Variants in TMEM114 observed in about 807,000 individuals in gnomAD.
TMEM114 encodes transmembrane protein 114.
In TMEM114, 6 loss-of-function variants were observed where a neutral mutation model predicts 6.2. The ratio of observed to expected loss-of-function variants is 0.97; its 90% CI spans 0.53 to 1.91. TMEM114 has a LOEUF of 1.91. TMEM114 is among the 40% of genes most tolerant of loss of function. The probability of loss-of-function intolerance (pLI) is 0.01; values close to 1 mark genes in which losing one functional copy is unlikely to be tolerated. For synonymous variants in TMEM114, 104 were observed against 73.0 expected (o/e 1.42, Z -2.16); for missense variants, 218 against 158.3 (o/e 1.38, Z -2.02).
At chr16:8,583,215 C>T (rs878884195) in intron 2 of TMEM114, among the ~76,000 whole-genome samples, 3 of 152,184 alleles carry the variant, frequency 2.0e-5, no homozygotes, top group African/African-American at 7.2e-5. Flanking sequence ...TGGCCCAGTA[C>T]TGGGGATGAA....
chr16:8,530,790 G>A, the TMEM114 span, among the ~76,000 whole-genome samples: 2,350 of 152,192 alleles, frequency 0.015, 26 homozygotes, highest in Middle Eastern at 0.027. Flanking sequence ...TTGGGAGGCC[G>A]AGTCAGATGA....
At chr16:8,552,007 T>A (rs1405257156) in intron 2 of TMEM114, among the ~76,000 whole-genome samples, 1 of 152,136 alleles carries the variant, frequency 6.6e-6, no homozygotes, top group Non-Finnish European at 1.5e-5. Context: ...TATGGTTCCA[T>A]TTATATAACA....
At chr16:8,550,982 G>A (rs1034909076) in intron 2 of TMEM114, among the ~76,000 whole-genome samples, 1 of 152,206 alleles carries the variant, frequency 6.6e-6, no homozygotes, top group African/African-American at 2.4e-5. Context: ...CTACAAAGAT[G>A]AATGATACAT....
At chr16:8,574,538 C>T (rs62018864) in intron 2 of TMEM114, among the ~76,000 whole-genome samples, 17 of 148,264 alleles carry the variant, frequency 1.1e-4, no homozygotes, top group African/African-American at 3.2e-4. Context: ...GGGATGAGAC[C>T]TGTGGTCTTT....
the TMEM114 span, among the ~76,000 whole-genome samples, chr16:8,527,856 C>T: frequency 6.6e-6 from 1 of 152,128 alleles, no homozygotes; most frequent in African/African-American, 2.4e-5. Context: ...ATTATTTCCC[C>T]CTCCTCATCA....
chr16:8,549,718 G>T (rs749984085), intron 2 of TMEM114, among the ~76,000 whole-genome samples: 1 of 152,130 alleles, frequency 6.6e-6, no homozygotes, highest in Non-Finnish European at 1.5e-5. Flanking sequence ...GTGTGCTCAG[G>T]TGGTGGCTGA....
chr16:8,564,181 GTGAGTGCA>G (rs1489010696), intron 2 of TMEM114, among the ~76,000 whole-genome samples: 21 of 151,400 alleles, frequency 1.4e-4, no homozygotes, highest in East Asian at 1.9e-4. Context: ...AAATGAGTGA[GTGAGTGCA>G]TGAATGAGTG....
At chr16:8,565,117 G>C (rs528066880), downstream of TMEM114, among the ~76,000 whole-genome samples, 1 of 151,832 alleles carries the variant, frequency 6.6e-6, no homozygotes, top group East Asian at 1.9e-4. Context: ...AAGTGAGTGA[G>C]TGAGTGGGTA....
At chr16:8,564,218 TTA>T (rs1901426200) in intron 2 of TMEM114, among the ~76,000 whole-genome samples, 5 of 13,732 alleles carry the variant, frequency 3.6e-4, no homozygotes, top group African/African-American at 1.5e-3. Flanking sequence ...AATGAGTGAG[TTA>T]GTGAATGAGT....
At chr16:8,563,605 G>C (rs556064491) in intron 2 of TMEM114, among the ~76,000 whole-genome samples, 6 of 150,466 alleles carry the variant, frequency 4.0e-5, no homozygotes, top group East Asian at 1.9e-4. Flanking sequence ...GTGTGAATGA[G>C]TAAATGAGTG....
chr16:8,556,783 G>C (rs1184233222), intron 2 of TMEM114, among the ~76,000 whole-genome samples: 1 of 152,204 alleles, frequency 6.6e-6, no homozygotes, highest in African/African-American at 2.4e-5. Flanking sequence ...GATTATAGGC[G>C]TGAGCCACCG....
chr16:8,568,279 C>A (rs760218909), downstream of TMEM114, among the ~76,000 whole-genome samples: 14 of 152,138 alleles, frequency 9.2e-5, no homozygotes, highest in African/African-American at 3.4e-4. Flanking sequence ...AGTCATTGCC[C>A]CCCCAGTTGC....
chr16:8,582,676 G>T (rs961216948), intron 2 of TMEM114, among the ~76,000 whole-genome samples: 1 of 151,980 alleles, frequency 6.6e-6, no homozygotes, highest in African/African-American at 2.4e-5. Context: ...GATCACTTGA[G>T]GTCAAGAGTT....
At chr16:8,582,521 G>A (rs1431306609) in intron 2 of TMEM114, among the ~76,000 whole-genome samples, 2 of 152,224 alleles carry the variant, frequency 1.3e-5, no homozygotes, top group Non-Finnish European at 2.9e-5. Flanking sequence ...GGTCTACCAT[G>A]ACCTCTAATC....
chr16:8,535,815 G>C (rs1014824861), downstream of TMEM114, among the ~76,000 whole-genome samples: 2 of 152,170 alleles, frequency 1.3e-5, no homozygotes, highest in African/African-American at 4.8e-5. Context: ...GGGGTGTGTG[G>C]AACACAAAGG....
At chr16:8,589,188 C>G in intron 2 of TMEM114, 25 bp downstream of exon 2, 1 of 398,672 alleles carries the variant, frequency 2.5e-6, no homozygotes. Flanking sequence ...GGCGCTCCCT[C>G]CATCCTCACC....
chr16:8,553,522 G>A (rs1380833822), intron 2 of TMEM114, among the ~76,000 whole-genome samples: 6 of 151,940 alleles, frequency 3.9e-5, no homozygotes, highest in Admixed American at 3.9e-4. Flanking sequence ...GTCTCGCTGT[G>A]TCACCCAGGC....
chr16:8,570,786 A>G (rs894008388), intron 3 of TMEM114, among the ~76,000 whole-genome samples: 2 of 152,124 alleles, frequency 1.3e-5, no homozygotes. Flanking sequence ...GTCCAGTACG[A>G]TAGCCACTGA....
intron 2 of TMEM114, among the ~76,000 whole-genome samples, chr16:8,577,925 C>A (rs1901998188): frequency 2.6e-5 from 4 of 152,152 alleles, no homozygotes; most frequent in Admixed American, 2.6e-4. Context: ...TGCATTCATT[C>A]AGAAACAAAT....
Sources: gnomAD v4.1 joint callset for allele counts (sites outside exome capture counted in the v4.1 genomes callset) on GRCh38, gnomAD v4.1.1 for gene constraint, MANE v1.5 for transcripts, NCBI Gene and HGNC (gene_info 2026-07-23, HGNC 2026-07-21) for gene names.